Variants in NEBL observed in about 807,000 individuals in gnomAD.
NEBL encodes the protein nebulette, also known as LIM and SH3 protein 2.
Under a neutral mutation model 140.2 loss-of-function variants are expected in NEBL, and 122 were observed. The ratio of observed to expected loss-of-function variants is 0.87; its 90% CI spans 0.75 to 1.01. The LOEUF (loss-of-function observed/expected upper bound fraction) is 1.01. NEBL is among the 50% of genes least tolerant of loss of function. The pLI is 0.00. For missense variants in NEBL, 1,365 were observed against 1,231.3 expected, an observed-to-expected ratio of 1.11 and a Z score of -1.62; for synonymous variants, 436 against 398.9, an observed-to-expected ratio of 1.09 and a Z score of -1.11.
chr10:21,106,049 G>C (rs370237640), intron 2 of NEBL, among the ~76,000 whole-genome samples: 2 of 151,878 alleles, frequency 1.3e-5, no homozygotes, highest in African/African-American at 4.8e-5. Context: ...TTTTTTTCTG[G>C]TAAATTTGTT....
intron 3 of NEBL, among the ~76,000 whole-genome samples, chr10:21,193,922 A>T (rs532168450): frequency 7.3e-4 from 111 of 152,334 alleles, no homozygotes; most frequent in Non-Finnish European, 1.0e-3. Flanking sequence ...TACTATCATG[A>T]TATTTCTCCC....
At chr10:20,989,769 T>C (rs1388417003) in intron 3 of NEBL, among the ~76,000 whole-genome samples, 1 of 152,208 alleles carries the variant, frequency 6.6e-6, no homozygotes, top group Admixed American at 6.5e-5. Context: ...ACATGCTCAA[T>C]GAACATTTAC....
chr10:21,030,713 G>A, intron 2 of NEBL: 1 of 468,192 alleles, frequency 2.1e-6, no homozygotes, highest in Non-Finnish European at 4.2e-6. Context: ...CCAGGAGACA[G>A]AGGGAACAAA....
intron 4 of NEBL, among the ~76,000 whole-genome samples, chr10:20,936,276 G>C (rs2131550088): frequency 6.6e-6 from 1 of 152,190 alleles, no homozygotes; most frequent in Admixed American, 6.5e-5. Flanking sequence ...ACATAATAAA[G>C]TGAATGAAAC....
At chr10:20,984,341 G>T (rs1012986362) in intron 3 of NEBL, among the ~76,000 whole-genome samples, 2 of 152,040 alleles carry the variant, frequency 1.3e-5, no homozygotes, top group African/African-American at 2.4e-5. Flanking sequence ...TGTTTGACAG[G>T]GTCCAAGGGA....
intron 2 of NEBL, among the ~76,000 whole-genome samples, chr10:21,061,358 T>TGTAAC (rs1554822046): frequency 1.6e-4 from 24 of 147,816 alleles, no homozygotes; most frequent in South Asian, 4.2e-4. Flanking sequence ...TTACATAATA[T>TGTAAC]ATGGGTCAGA....
At chr10:20,927,217 T>A (rs1409806578) in intron 4 of NEBL, among the ~76,000 whole-genome samples, 1 of 152,198 alleles carries the variant, frequency 6.6e-6, no homozygotes, top group Non-Finnish European at 1.5e-5. Flanking sequence ...AGTTCAAGTT[T>A]GGGATGTGCT....
chr10:21,035,961 G>A (rs879330730), intron 2 of NEBL, among the ~76,000 whole-genome samples: 1 of 152,022 alleles, frequency 6.6e-6, no homozygotes, highest in Non-Finnish European at 1.5e-5. Context: ...TCAAAAGCTC[G>A]AGACAAGCCT....
chr10:21,275,684 AG>A (rs1210083638), intron 1 of NEBL, among the ~76,000 whole-genome samples: 1 of 147,802 alleles, frequency 6.8e-6, no homozygotes, highest in Non-Finnish European at 1.5e-5. Context: ...CTTGTTGCCA[AG>A]GCTGGAGTGC....
At chr10:21,096,924 C>G (rs897610517) in intron 2 of NEBL, among the ~76,000 whole-genome samples, 1 of 151,924 alleles carries the variant, frequency 6.6e-6, no homozygotes, top group African/African-American at 2.4e-5. Context: ...TCTGAGCTCC[C>G]CACAAATTCC....
intron 2 of NEBL, among the ~76,000 whole-genome samples, chr10:21,111,379 G>A (rs1838006723): frequency 6.6e-6 from 1 of 152,078 alleles, no homozygotes; most frequent in African/African-American, 2.4e-5. Context: ...GCTGGTACTG[G>A]TACCAAAACA....
At chr10:21,126,350 G>A (rs948587741) in intron 2 of NEBL, among the ~76,000 whole-genome samples, 1 of 152,154 alleles carries the variant, frequency 6.6e-6, no homozygotes, top group African/African-American at 2.4e-5. Flanking sequence ...TGAGATTAGA[G>A]TGTGGACCCC....
intron 2 of NEBL, among the ~76,000 whole-genome samples, chr10:21,092,219 G>C (rs768904036): frequency 9.2e-5 from 14 of 152,128 alleles, no homozygotes; most frequent in Non-Finnish European, 1.6e-4. Flanking sequence ...CATGTTCTAC[G>C]GGTGTGCCAT....
chr10:21,052,250 G>A (rs1834810240), intron 2 of NEBL, among the ~76,000 whole-genome samples: 1 of 152,214 alleles, frequency 6.6e-6, no homozygotes. Flanking sequence ...TCTGTCAGCA[G>A]ATGTCACTTC....
intron 2 of NEBL, among the ~76,000 whole-genome samples, chr10:21,104,918 G>C (rs949147355): frequency 1.3e-5 from 2 of 152,108 alleles, no homozygotes; most frequent in Admixed American, 6.5e-5. Flanking sequence ...AGTTTGCTCA[G>C]AGTTATTATC....
At chr10:21,004,564 C>T (rs756042214) in intron 3 of NEBL, among the ~76,000 whole-genome samples, 1 of 152,000 alleles carries the variant, frequency 6.6e-6, no homozygotes, top group Non-Finnish European at 1.5e-5. Flanking sequence ...ACTAAAAATA[C>T]AAAAAATCAG....
At chr10:20,995,102 C>T (rs977131124) in intron 3 of NEBL, among the ~76,000 whole-genome samples, 1 of 152,134 alleles carries the variant, frequency 6.6e-6, no homozygotes, top group African/African-American at 2.4e-5. Context: ...GCATGGGGAC[C>T]CCCCTCACCT....
chr10:21,129,611 T>C (rs1839006514), intron 2 of NEBL, among the ~76,000 whole-genome samples: 1 of 152,064 alleles, frequency 6.6e-6, no homozygotes, highest in African/African-American at 2.4e-5. Context: ...TTAGAAGAAT[T>C]AGAATTATTT....
rs74977492 is a variant in NEBL, at chr10:20,878,457, G to T, written c.480+2337C>A. On this transcript the variant is annotated intron_variant, in intron 5 of 27. Transcript: ENST00000377122. Reference sequence around the variant, plus strand: ...ATTCCACTAGTAAATTCTCTGCAATGAGTTTCATTTGGCTGAACTTTTACA... The same window carrying T: ...ATTCCACTAGTAAATTCTCTGCAATTAGTTTCATTTGGCTGAACTTTTACA... Among the ~76,000 whole-genome samples, 399 of 152,332 alleles carry T rather than the reference G, an allele frequency of 2.6e-3. 12 individuals are homozygous for T. In the East Asian group the frequency reaches 0.053, roughly 20 times the overall value.
Sources: allele counts gnomAD v4.1 joint callset (sites outside exome capture counted in the v4.1 genomes callset), GRCh38; gene constraint gnomAD v4.1.1; transcripts MANE v1.5; gene names NCBI Gene and HGNC (gene_info 2026-07-23, HGNC 2026-07-21).